Variants in ANKRD29 observed in about 807,000 individuals in gnomAD.
The protein encoded by ANKRD29 is ankyrin repeat domain 29.
ANKRD29 carries 32 observed loss-of-function variants against 38.0 expected under a neutral mutation model. The ratio of observed to expected loss-of-function variants is 0.84; its 90% CI spans 0.64 to 1.13. The LOEUF is 1.13. ANKRD29 is among the 50% of genes most tolerant of loss of function. The pLI is 0.00. For missense variants in ANKRD29, 357 were observed against 377.9 expected, an observed-to-expected ratio of 0.94 and a Z score of 0.46; for synonymous variants, 135 against 152.4, an observed-to-expected ratio of 0.89 and a Z score of 0.84.
intron 5 of ANKRD29, 39 bp downstream of exon 5, chr18:23,634,012 G>T (rs1444577094): frequency 1.4e-5 from 22 of 1,592,772 alleles, no homozygotes; most frequent in Admixed American, 1.2e-4. Flanking sequence ...TTTTGTATGT[G>T]ATGAGAAATG....
chr18:23,655,100 C>A (rs2060261854), intron 1 of ANKRD29, among the ~76,000 whole-genome samples: 1 of 152,098 alleles, frequency 6.6e-6, no homozygotes, highest in African/African-American at 2.4e-5. Context: ...CCACTTTGTG[C>A]TAAGTATTTA....
At chr18:23,629,784 C>T (rs894462105) in intron 6 of ANKRD29, 69 bp downstream of exon 6, 12 of 1,273,368 alleles carry the variant, frequency 9.4e-6, no homozygotes, top group African/African-American at 2.9e-5. Flanking sequence ...GTATGTGCTG[C>T]CAGCGGACAC....
chr18:23,619,494 AG>A (rs1454688804), intron 7 of ANKRD29, 36 bp downstream of exon 7: 2 of 1,537,880 alleles, frequency 1.3e-6, no homozygotes, highest in Admixed American at 4.0e-5. Flanking sequence ...GCGCGCCGGG[AG>A]GCTTCGCTCT....
rs779109852 is a variant in ANKRD29 at position 23,662,778 on chromosome 18, C to T, written c.-48G>A. ...GCCGGCGCGCTTTGGGCCCGGGGCG[C>T]CTTGTCCTCCCCGGCCCTTCACTCT... On this transcript the variant is annotated 5_prime_UTR_variant, in exon 1 of 10. Transcript: ENST00000592179. 7.0e-7 allele frequency: 1 copy of T among 1,434,638 alleles called. No individual in the cohort carries two copies. Among genetic ancestry groups the T allele is most frequent in the South Asian group, 1.4e-5 (1 of 73,168 alleles). The allele number at this position is 1,434,638 out of a possible 1,614,324, so 88.9% of individuals were successfully genotyped here.
chr18:23,621,046 C>G (rs1599087056), intron 6 of ANKRD29, among the ~76,000 whole-genome samples: 5 of 152,140 alleles, frequency 3.3e-5, no homozygotes, highest in African/African-American at 1.2e-4. Context: ...GGCTCTCCAC[C>G]CCCATCTCAA....
intron 1 of ANKRD29, among the ~76,000 whole-genome samples, chr18:23,652,335 T>C (rs1421845445): frequency 2.0e-5 from 3 of 152,132 alleles, no homozygotes; most frequent in East Asian, 3.9e-4. Flanking sequence ...AAGTGAGAAA[T>C]GGCAAGTCAG....
At chr18:23,646,365 G>A in intron 2 of ANKRD29, 78 bp from the exon 3 acceptor site, 1 of 1,309,756 alleles carries the variant, frequency 7.6e-7, no homozygotes, top group Non-Finnish European at 1.1e-6. Context: ...ATGCTGCAGA[G>A]ATGTCAGCTC....
rs142950282 is a variant in ANKRD29 at position 23,621,004 on chromosome 18, C to T, written c.529-1375G>A. Among the ~76,000 whole-genome samples the T allele has an allele frequency of 3.2e-4, 49 of 152,250 alleles. No homozygotes were observed. In the East Asian group the frequency reaches 8.1e-3, roughly 25 times the overall value. The stretch of plus-strand genomic sequence containing the variant: ...AACCCTGGGGTGTAAGAGTGCAGGA[C>T]GCTTGTGGACCAGCACAAGGGCCAC... On this transcript the variant is annotated intron_variant, in intron 6 of 9. Transcript: ENST00000592179.
intron 8 of ANKRD29, 141 bp from the exon 9 acceptor site, chr18:23,612,331 G>T: frequency 4.5e-6 from 3 of 660,480 alleles, no homozygotes; most frequent in South Asian, 4.1e-5. Flanking sequence ...ACTTTTCAAA[G>T]TCACATCAGC....
At chr18:23,621,733 G>A (rs974552909) in intron 6 of ANKRD29, among the ~76,000 whole-genome samples, 9 of 152,012 alleles carry the variant, frequency 5.9e-5, no homozygotes, top group Admixed American at 3.9e-4. Flanking sequence ...GGAGTACAGT[G>A]GCATGATCAA....
intron 4 of ANKRD29, among the ~76,000 whole-genome samples, chr18:23,636,213 T>C (rs2145700474): frequency 6.6e-6 from 1 of 152,234 alleles, no homozygotes; most frequent in East Asian, 1.9e-4. Context: ...CATGGCTCAC[T>C]GCAGCCTTGA....
At chr18:23,658,029 A>C (rs371672591) in intron 1 of ANKRD29, among the ~76,000 whole-genome samples, 6 of 152,240 alleles carry the variant, frequency 3.9e-5, no homozygotes, top group African/African-American at 1.4e-4. Flanking sequence ...GTGACCTGTC[A>C]TTCCTTTCTT....
At chr18:23,628,156 A>G (rs746033254) in intron 6 of ANKRD29, among the ~76,000 whole-genome samples, 6 of 152,226 alleles carry the variant, frequency 3.9e-5, no homozygotes, top group Non-Finnish European at 5.9e-5. Flanking sequence ...CTAATTTTCA[A>G]TGATGAAAGT....
At position 23,654,884 on chromosome 18, in the gene ANKRD29, G is replaced by C. The variant is rs146431959; in HGVS notation, c.22-5691C>G. On this transcript the variant is annotated intron_variant, in intron 1 of 9. Coordinates refer to ENST00000592179, the MANE Select transcript of ANKRD29 (RefSeq NM_173505.4). Reference sequence around the variant, plus strand: ...TACAGAACTGGAATTCTAATTAAAAGCTAAGAGGGGGTAGAAATTTAAACT... The same window carrying C: ...TACAGAACTGGAATTCTAATTAAAACCTAAGAGGGGGTAGAAATTTAAACT... Among the ~76,000 whole-genome samples, 181 of 152,196 alleles carry C rather than the reference G, an allele frequency of 1.2e-3. No individual in the cohort carries two copies. The Middle Eastern group carries it at 0.014, about 11-fold the overall frequency.
At chr18:23,620,699 G>A (rs1051445299) in intron 6 of ANKRD29, among the ~76,000 whole-genome samples, 2 of 152,180 alleles carry the variant, frequency 1.3e-5, no homozygotes, top group Non-Finnish European at 2.9e-5. Flanking sequence ...GAGAAACCAG[G>A]AAAGTTACAA....
intron 4 of ANKRD29, among the ~76,000 whole-genome samples, chr18:23,636,623 G>A (rs2060006506): frequency 6.6e-6 from 1 of 151,964 alleles, no homozygotes; most frequent in Non-Finnish European, 1.5e-5. Context: ...ACCCAGGCTG[G>A]AGTGCAGTGG....
intron 1 of ANKRD29, among the ~76,000 whole-genome samples, chr18:23,650,652 G>C (rs560488844): frequency 6.6e-6 from 1 of 152,320 alleles, no homozygotes; most frequent in East Asian, 1.9e-4. Flanking sequence ...CCCTGCACAA[G>C]TAAGTTGGCC....
At chr18:23,638,149 CA>C (rs1207419393) in intron 4 of ANKRD29, among the ~76,000 whole-genome samples, 2 of 151,920 alleles carry the variant, frequency 1.3e-5, no homozygotes, top group African/African-American at 2.4e-5. Flanking sequence ...AGGCATGTGC[CA>C]TCACGCCTGG....
intron 9 of ANKRD29, among the ~76,000 whole-genome samples, chr18:23,601,996 C>T (rs2059519026): frequency 6.6e-6 from 1 of 151,544 alleles, no homozygotes; most frequent in Non-Finnish European, 1.5e-5. Flanking sequence ...GGTAGTCTGC[C>T]CACTAAGGAC....
Sources: gnomAD v4.1 joint callset for allele counts (sites outside exome capture counted in the v4.1 genomes callset) on GRCh38, gnomAD v4.1.1 for gene constraint, MANE v1.5 for transcripts, NCBI Gene and HGNC (gene_info 2026-07-23, HGNC 2026-07-21) for gene names.